CCDC85A: variants seen among roughly 807,000 people sequenced by gnomAD.
The protein encoded by CCDC85A is coiled-coil domain-containing protein 85A.
Under a neutral mutation model 50.2 loss-of-function variants are expected in CCDC85A, and 38 were observed. The observed-to-expected ratio is 0.76, with a 90% CI of 0.58 to 0.99. The LOEUF is 0.99. Among genes scored for constraint, CCDC85A ranks in the 50% least tolerant of loss-of-function variants. CCDC85A has a pLI of 0.00. For missense variants in CCDC85A, 820 were observed against 742.0 expected (o/e 1.11, Z -1.22); for synonymous variants, 366 against 301.4 (o/e 1.21, Z -2.22).
intron 3 of CCDC85A, among the ~76,000 whole-genome samples, chr2:56,353,748 G>T (rs1156263418): frequency 6.6e-6 from 1 of 152,224 alleles, no homozygotes; most frequent in Admixed American, 6.5e-5. Context: ...TCACTAAGCT[G>T]TCCTTTAAAT....
At chr2:56,228,109 A>T (rs1305957093) in intron 2 of CCDC85A, among the ~76,000 whole-genome samples, 1 of 152,216 alleles carries the variant, frequency 6.6e-6, no homozygotes, top group Non-Finnish European at 1.5e-5. Context: ...ATAACTCTTA[A>T]CTGAGAACTT....
intron 2 of CCDC85A, among the ~76,000 whole-genome samples, chr2:56,284,235 A>G (rs190100084): frequency 1.9e-4 from 29 of 152,320 alleles, no homozygotes; most frequent in Non-Finnish European, 1.9e-4. Context: ...ATATTTCAAC[A>G]TTTTTGAAAT....
intron 2 of CCDC85A, among the ~76,000 whole-genome samples, chr2:56,258,199 G>T (rs1670069108): frequency 1.3e-5 from 2 of 152,166 alleles, no homozygotes; most frequent in South Asian, 4.1e-4. Context: ...TGGAAGCATG[G>T]CTGTGGGAGA....
intron 2 of CCDC85A, among the ~76,000 whole-genome samples, chr2:56,256,776 C>T (rs1157358518): frequency 1.3e-5 from 2 of 152,168 alleles, no homozygotes; most frequent in Non-Finnish European, 2.9e-5. Context: ...TGGTAAATTC[C>T]CTGTGACTTC....
chr2:56,236,031 A>G (rs1669000253), intron 2 of CCDC85A, among the ~76,000 whole-genome samples: 1 of 152,180 alleles, frequency 6.6e-6, no homozygotes, highest in Non-Finnish European at 1.5e-5. Context: ...AAAGAGTGAG[A>G]TGTTCAGTTT....
At chr2:56,308,806 C>G (rs1672560907) in intron 2 of CCDC85A, among the ~76,000 whole-genome samples, 1 of 152,210 alleles carries the variant, frequency 6.6e-6, no homozygotes, top group Non-Finnish European at 1.5e-5. Context: ...GTAGTAGAGA[C>G]AGTGTGACTG....
intron 2 of CCDC85A, among the ~76,000 whole-genome samples, chr2:56,268,100 C>G: frequency 6.6e-6 from 1 of 152,052 alleles, no homozygotes; most frequent in Non-Finnish European, 1.5e-5. Flanking sequence ...TTAATGTATT[C>G]TATATTTTTG....
At chr2:56,247,450 T>A (rs1303519497) in intron 2 of CCDC85A, among the ~76,000 whole-genome samples, 2 of 152,192 alleles carry the variant, frequency 1.3e-5, no homozygotes, top group Admixed American at 6.5e-5. Context: ...GCACTTTTCA[T>A]AGGAGGTTGT....
chr2:56,367,182 A>G (rs1432829561), intron 3 of CCDC85A, among the ~76,000 whole-genome samples: 1 of 152,120 alleles, frequency 6.6e-6, no homozygotes, highest in Non-Finnish European at 1.5e-5. Flanking sequence ...ATATGTCTCT[A>G]TCTCAAGAAC....
At chr2:56,375,065 A>G (rs1344198537) in intron 4 of CCDC85A, among the ~76,000 whole-genome samples, 1 of 152,032 alleles carries the variant, frequency 6.6e-6, no homozygotes, top group Non-Finnish European at 1.5e-5. Context: ...GATAACTGAT[A>G]CTCTCTTTTT....
intron 2 of CCDC85A, among the ~76,000 whole-genome samples, chr2:56,310,051 G>A (rs946864526): frequency 2.0e-5 from 3 of 152,150 alleles, no homozygotes; most frequent in African/African-American, 7.2e-5. Flanking sequence ...CATATGAGAT[G>A]TGAGGAACTA....
chr2:56,206,325 T>C (rs1202961489), intron 2 of CCDC85A, among the ~76,000 whole-genome samples: 1 of 152,180 alleles, frequency 6.6e-6, no homozygotes, highest in Non-Finnish European at 1.5e-5. Flanking sequence ...CCAAGTTGAA[T>C]AGTTTGTTTT....
At chr2:56,274,405 C>T (rs937123961) in intron 2 of CCDC85A, among the ~76,000 whole-genome samples, 1 of 152,272 alleles carries the variant, frequency 6.6e-6, no homozygotes, top group Admixed American at 6.5e-5. Flanking sequence ...ATTTAAGCAA[C>T]AGTTAATGTT....
At chr2:56,320,798 A>AC (rs1673142438) in intron 2 of CCDC85A, among the ~76,000 whole-genome samples, 1 of 152,144 alleles carries the variant, frequency 6.6e-6, no homozygotes, top group Non-Finnish European at 1.5e-5. Flanking sequence ...TATGAGGCCA[A>AC]CATCATCCTG....
At chr2:56,188,737 G>C (rs1676159409) in intron 1 of CCDC85A, among the ~76,000 whole-genome samples, 1 of 152,226 alleles carries the variant, frequency 6.6e-6, no homozygotes, top group Non-Finnish European at 1.5e-5. Flanking sequence ...GACATAGCTA[G>C]TGCTTGCTGA....
chr2:56,284,919 G>A (rs1287352931), intron 2 of CCDC85A, among the ~76,000 whole-genome samples: 1 of 151,880 alleles, frequency 6.6e-6, no homozygotes, highest in Non-Finnish European at 1.5e-5. Context: ...AACCACACCA[G>A]CTTTCTTATG....
rs559919373 is a variant in CCDC85A, at chr2:56,257,300, C to T, written c.1240+63860C>T. 2.6e-5 allele frequency among the ~76,000 whole-genome samples: 4 copies of T among 152,066 alleles called. No individual in the cohort carries two copies. The South Asian group carries it at 6.2e-4, about 24-fold the overall frequency. ...TGATGGCTGTCACAATGGGGCCCAA[C>T]GTACTGTAGGAGTTCAAAGAATGAA... On this transcript the variant is annotated intron_variant, in intron 2 of 5. Coordinates refer to ENST00000407595, the MANE Select transcript of CCDC85A (RefSeq NM_001080433.2).
At chr2:56,372,549 A>C (rs1676129502) in intron 4 of CCDC85A, 71 bp downstream of exon 4, 23 of 1,395,230 alleles carry the variant, frequency 1.6e-5, no homozygotes, top group Non-Finnish European at 2.1e-5. Flanking sequence ...CTAGAGAAAA[A>C]GTTATACTGG....
At chr2:56,366,466 A>T (rs1659328973) in intron 3 of CCDC85A, among the ~76,000 whole-genome samples, 1 of 152,112 alleles carries the variant, frequency 6.6e-6, no homozygotes, top group African/African-American at 2.4e-5. Context: ...AGGTGATCTC[A>T]TTGTGGTTTT....
Sources: allele counts gnomAD v4.1 joint callset (sites outside exome capture counted in the v4.1 genomes callset), GRCh38; gene constraint gnomAD v4.1.1; transcripts MANE v1.5; gene names NCBI Gene and HGNC (gene_info 2026-07-23, HGNC 2026-07-21).